The following TENM2 variants were observed in gnomAD, a reference collection of about 807,000 sequenced individuals.
The protein encoded by TENM2 is teneurin transmembrane protein 2, also known as teneurin-2.
Under a neutral mutation model 245.2 loss-of-function variants are expected in TENM2, and 52 were observed. The observed-to-expected ratio is 0.21, with a 90% confidence interval of 0.17 to 0.27. The LOEUF (loss-of-function observed/expected upper bound fraction) is 0.27. Among genes scored for constraint, TENM2 ranks in the 10% least tolerant of loss-of-function variants. TENM2 has a pLI of 1.00. For missense variants in TENM2, 3,046 were observed against 3,666.8 expected (o/e 0.83, Z 4.37); for synonymous variants, 1,363 against 1,438.9 (o/e 0.95, Z 1.19).
chr5:167,859,082 C>T (rs1162917700), intron 2 of TENM2, among the ~76,000 whole-genome samples: 20 of 144,308 alleles, frequency 1.4e-4, no homozygotes, highest in East Asian at 6.3e-4. Context: ...TCTGCCCGGC[C>T]GCCCATCGTC....
intron 2 of TENM2, among the ~76,000 whole-genome samples, chr5:167,752,599 A>T (rs1418430995): frequency 1.3e-5 from 2 of 152,190 alleles, no homozygotes; most frequent in Non-Finnish European, 2.9e-5. Flanking sequence ...GCTAGGTTAT[A>T]CTGAAACCAT....
chr5:167,472,707 T>G (rs1420230264), intron 2 of TENM2, among the ~76,000 whole-genome samples: 1 of 152,140 alleles, frequency 6.6e-6, no homozygotes, highest in East Asian at 1.9e-4. Flanking sequence ...AATTAAAAGT[T>G]AGAAAAAAAA....
chr5:167,533,924 G>A (rs2127595890), intron 2 of TENM2, among the ~76,000 whole-genome samples: 1 of 152,298 alleles, frequency 6.6e-6, no homozygotes, highest in East Asian at 1.9e-4. Flanking sequence ...TCAAACTCCT[G>A]TCACTTGTTA....
intron 2 of TENM2, among the ~76,000 whole-genome samples, chr5:167,664,616 A>G (rs1755452211): frequency 6.6e-6 from 1 of 152,214 alleles, no homozygotes; most frequent in South Asian, 2.1e-4. Context: ...TGGACAAGTA[A>G]CAGCAAGATT....
At chr5:167,518,781 T>C (rs1420112356) in intron 2 of TENM2, among the ~76,000 whole-genome samples, 2 of 152,108 alleles carry the variant, frequency 1.3e-5, no homozygotes, top group Non-Finnish European at 2.9e-5. Context: ...ATTTTCTTCT[T>C]TGTCTCCAAA....
chr5:167,791,453 A>G (rs1210416799), intron 2 of TENM2, among the ~76,000 whole-genome samples: 1 of 145,074 alleles, frequency 6.9e-6, no homozygotes, highest in Non-Finnish European at 1.5e-5. Flanking sequence ...ATAATATATT[A>G]TATAGATTAT....
rs180806394 is a variant in TENM2 at position 167,602,389 on chromosome 5, C to A, written c.502+226916C>A. On this transcript the variant is annotated intron_variant, in intron 2 of 28. Coordinates refer to ENST00000518659, the Ensembl canonical transcript of TENM2. The stretch of plus-strand genomic sequence containing the variant: ...CAGAACGATGACGTGTGTGTGTCAC[C>A]TCTCCACTCAGGGTTCACGCCTTCA... Among the ~76,000 whole-genome samples, 57 of 152,250 alleles carry A rather than the reference C, an allele frequency of 3.7e-4. 1 individual carries two copies. Among genetic ancestry groups the A allele is most frequent in the Non-Finnish European group, 6.3e-4 (43 of 68,026 alleles).
intron 2 of TENM2, among the ~76,000 whole-genome samples, chr5:167,649,019 G>T (rs1780161529): frequency 6.6e-6 from 1 of 152,096 alleles, no homozygotes; most frequent in Non-Finnish European, 1.5e-5. Flanking sequence ...TGGTTTCATT[G>T]GTAGTGAAAT....
chr5:167,740,633 A>C (rs1294178410), intron 2 of TENM2, among the ~76,000 whole-genome samples: 3 of 152,080 alleles, frequency 2.0e-5, no homozygotes. Context: ...TTACCTGTGC[A>C]AACACAAATG....
intron 1 of TENM2, among the ~76,000 whole-genome samples, chr5:167,317,077 C>T (rs575462660): frequency 5.9e-5 from 9 of 151,972 alleles, no homozygotes; most frequent in Non-Finnish European, 1.3e-4. Context: ...TATCATTAAC[C>T]CTTGACACTC....
chr5:167,136,187 C>T, the TENM2 span, among the ~76,000 whole-genome samples: 1 of 152,088 alleles, frequency 6.6e-6, no homozygotes, highest in African/African-American at 2.4e-5. Context: ...GTCTGCATAC[C>T]AACCCAGCTG....
the TENM2 span, among the ~76,000 whole-genome samples, chr5:167,140,104 G>A: frequency 2.0e-5 from 3 of 152,052 alleles, no homozygotes; most frequent in Middle Eastern, 3.2e-3. Context: ...TTCCAATGCT[G>A]AGTTTGGCAT....
chr5:167,739,924 G>T (rs79458597), intron 2 of TENM2, among the ~76,000 whole-genome samples: 2,030 of 152,176 alleles, frequency 0.013, 34 homozygotes, highest in East Asian at 0.078. Flanking sequence ...TGTGACCCTC[G>T]CTTCCCCTTG....
At chr5:167,284,358 A>T (rs1561835403), upstream of TENM2, among the ~76,000 whole-genome samples, 4 of 151,720 alleles carry the variant, frequency 2.6e-5, no homozygotes, top group Non-Finnish European at 1.5e-5. Context: ...TTTCTTTTGG[A>T]GGGGGGGTGG....
At chr5:167,821,690 T>G (rs1398861132) in intron 2 of TENM2, among the ~76,000 whole-genome samples, 1 of 152,234 alleles carries the variant, frequency 6.6e-6, no homozygotes, top group Non-Finnish European at 1.5e-5. Context: ...ACATAGTTTT[T>G]GGAAATTTTT....
chr5:167,830,741 C>T (rs1187517728), intron 2 of TENM2, among the ~76,000 whole-genome samples: 1 of 152,178 alleles, frequency 6.6e-6, no homozygotes, highest in East Asian at 1.9e-4. Flanking sequence ...AGTTCTCAAA[C>T]TTGAGAGCAC....
chr5:167,346,020 C>T (rs1028771959), intron 1 of TENM2, among the ~76,000 whole-genome samples: 23 of 151,906 alleles, frequency 1.5e-4, no homozygotes, highest in East Asian at 3.9e-4. Context: ...AAACGTGTAA[C>T]GACATTTTGC....
At chr5:167,042,779 A>C in the TENM2 span, among the ~76,000 whole-genome samples, 1 of 152,226 alleles carries the variant, frequency 6.6e-6, no homozygotes, top group Non-Finnish European at 1.5e-5. Context: ...CTGGTTATTT[A>C]CAACAAATAG....
At chr5:167,317,216 C>T (rs1756416485) in intron 1 of TENM2, among the ~76,000 whole-genome samples, 1 of 152,286 alleles carries the variant, frequency 6.6e-6, no homozygotes, top group Admixed American at 6.5e-5. Context: ...TCAGTAGGTT[C>T]ATGATTCTTC....
Sources: allele counts gnomAD v4.1 joint callset (sites outside exome capture counted in the v4.1 genomes callset), GRCh38; gene constraint gnomAD v4.1.1; transcripts MANE v1.5; gene names NCBI Gene and HGNC (gene_info 2026-07-23, HGNC 2026-07-21).